The following SLC36A1 variants were observed in gnomAD, a reference collection of about 807,000 sequenced individuals.
The protein encoded by SLC36A1 is proton-coupled amino acid transporter 1.
Under a neutral mutation model 47.5 loss-of-function variants are expected in SLC36A1, and 30 were observed. The observed-to-expected ratio is 0.63, with a 90% CI of 0.47 to 0.86. The LOEUF (loss-of-function observed/expected upper bound fraction) is 0.86. SLC36A1 is among the 40% of genes least tolerant of loss of function. SLC36A1 has a pLI of 0.00. For synonymous variants in SLC36A1, 255 were observed against 249.7 expected, an observed-to-expected ratio of 1.02 and a Z score of -0.20; for missense variants, 517 against 606.0, an observed-to-expected ratio of 0.85 and a Z score of 1.54.
chr5:151,365,031 T>C, the SLC36A1 span, among the ~76,000 whole-genome samples: 1 of 152,146 alleles, frequency 6.6e-6, no homozygotes, highest in Admixed American at 6.5e-5. Flanking sequence ...GGATTGAATG[T>C]ACTTATTCGC....
At position 151,465,077 on chromosome 5, in the gene SLC36A1, G is replaced by T. The variant is rs781683462; in HGVS notation, c.327G>T (p.Leu109=). The change falls in exon 5 of 11, where the codon CTG becomes CTT. Residue 109 remains leucine (L), a synonymous_variant. Transcript: ENST00000243389. ...VKCAHHFCRR[L]NKSFVDYGDT... is the part of the protein sequence containing the mutation. ...CTCTTCCCTCCTACTCTTCCAGGCT[G>T]AATAAATCCTTTGTGGATTATGGTG... 1 of 1,613,152 alleles carries T rather than the reference G, an allele frequency of 6.2e-7. No homozygotes were observed. The highest frequency in any genetic ancestry group is 1.1e-5 in the South Asian group (1 of 91,058).
At chr5:151,375,171 C>T in the SLC36A1 span, among the ~76,000 whole-genome samples, 2 of 152,086 alleles carry the variant, frequency 1.3e-5, no homozygotes, top group Non-Finnish European at 2.9e-5. Flanking sequence ...GGGTTTTCTT[C>T]TAGCATTTTA....
Position 151,490,547 on chromosome 5 carries a change from G to A in SLC36A1, c.*2293G>A, listed in dbSNP as rs1760021116. 1 of 152,356 alleles carries A rather than the reference G, an allele frequency of 6.6e-6. No homozygotes were observed. Among genetic ancestry groups the A allele is most frequent in the East Asian group, 1.9e-4 (1 of 5,204 alleles). The allele number at this position is 152,356 out of a possible 1,614,324, so 9.4% of individuals were successfully genotyped here. ...GAGGACTGGATGGTAGAATACTGGG[G>A]TCCCCCAGCTCTTAGCAGGATGCAG... On this transcript the variant is annotated 3_prime_UTR_variant, in exon 11 of 11. Coordinates refer to ENST00000243389, the MANE Select transcript of SLC36A1 (RefSeq NM_078483.4).
chr5:151,537,746 T>A, the SLC36A1 span: 1 of 1,565,622 alleles, frequency 6.4e-7, no homozygotes, highest in Non-Finnish European at 8.7e-7. Context: ...GCACTTGGTA[T>A]TCAGTAAAGA....
chr5:151,544,681 C>A, the SLC36A1 span: 3 of 1,614,006 alleles, frequency 1.9e-6, no homozygotes, highest in South Asian at 3.3e-5. Context: ...GGATGGCGTT[C>A]CTCCATCCCG....
At chr5:151,365,706 C>T in the SLC36A1 span, among the ~76,000 whole-genome samples, 2 of 152,328 alleles carry the variant, frequency 1.3e-5, no homozygotes, top group East Asian at 3.9e-4. Context: ...AATCTGACTC[C>T]ACCCCTTACT....
chr5:151,462,435 G>A (rs970594606), intron 2 of SLC36A1, among the ~76,000 whole-genome samples: 2 of 151,544 alleles, frequency 1.3e-5, no homozygotes, highest in African/African-American at 2.4e-5. Context: ...CACAATCTTG[G>A]CTCACTGCAA....
intron 10 of SLC36A1, among the ~76,000 whole-genome samples, chr5:151,487,063 T>C (rs1034948947): frequency 5.0e-4 from 76 of 152,302 alleles, no homozygotes; most frequent in African/African-American, 1.8e-3. Context: ...TTCCCCAATG[T>C]CACTCAGCTA....
In SLC36A1 at chr5:151,479,798, AG is replaced by A. The variant is rs528252289; in HGVS notation, c.1159+311del. 2,487 of 529,306 alleles carry A rather than the reference AG, an allele frequency of 4.7e-3. 14 individuals carry two copies. The highest frequency in any genetic ancestry group is 0.011 in the Middle Eastern group (24 of 2,104). 32.8% of individuals were successfully genotyped at this position (529,306 alleles called of 1,614,324 possible). ...TACTATCCCATATTAAATAAGGTAA[AG>A]GTCTGAAAGCCATTTAACCCATATC... is the stretch of plus-strand genomic sequence containing the variant. On this transcript the variant is annotated intron_variant, in intron 10 of 10. Coordinates refer to ENST00000243389, the MANE Select transcript of SLC36A1 (RefSeq NM_078483.4).
the SLC36A1 span, among the ~76,000 whole-genome samples, chr5:151,413,167 A>T: frequency 6.6e-6 from 1 of 151,818 alleles, no homozygotes; most frequent in Non-Finnish European, 1.5e-5. Flanking sequence ...TCAATGAATT[A>T]ATTCATTCAT....
At chr5:151,410,386 CA>C in the SLC36A1 span, among the ~76,000 whole-genome samples, 1 of 142,600 alleles carries the variant, frequency 7.0e-6, no homozygotes, top group African/African-American at 2.5e-5. Context: ...TATAAACAAA[CA>C]AATATAAAAT....
chr5:151,507,403 T>C, the SLC36A1 span: 18 of 1,614,136 alleles, frequency 1.1e-5, no homozygotes, highest in Non-Finnish European at 1.5e-5. Context: ...ACACCAACAC[T>C]CCTGGCCAGG....
chr5:151,537,927 AC>A, the SLC36A1 span: 1 of 1,614,146 alleles, frequency 6.2e-7, no homozygotes, highest in Non-Finnish European at 8.5e-7. Context: ...ATCTTCATGA[AC>A]CTTGCCAGTA....
At chr5:151,365,044 A>G in the SLC36A1 span, among the ~76,000 whole-genome samples, 1 of 152,178 alleles carries the variant, frequency 6.6e-6, no homozygotes, top group Admixed American at 6.5e-5. Context: ...TTATTCGCCA[A>G]ACCCAGGTCA....
chr5:151,437,797 A>G (rs1450206217), intron 1 of SLC36A1, among the ~76,000 whole-genome samples: 1 of 152,184 alleles, frequency 6.6e-6, no homozygotes, highest in African/African-American at 2.4e-5. Context: ...AACAATGCAA[A>G]TGTATTCTCT....
chr5:151,368,656 C>T, the SLC36A1 span, among the ~76,000 whole-genome samples: 2 of 152,132 alleles, frequency 1.3e-5, no homozygotes, highest in Non-Finnish European at 2.9e-5. Context: ...TCCTCTGTTG[C>T]CAGCTTTTAC....
At chr5:151,389,611 A>C in the SLC36A1 span, among the ~76,000 whole-genome samples, 1 of 82,832 alleles carries the variant, frequency 1.2e-5, no homozygotes, top group Non-Finnish European at 2.0e-5. Flanking sequence ...TCCTGTGTCC[A>C]AGTGTTCTTA....
chr5:151,500,907 C>G, the SLC36A1 span, among the ~76,000 whole-genome samples: 18 of 152,304 alleles, frequency 1.2e-4, no homozygotes, highest in African/African-American at 3.1e-4. Flanking sequence ...AGAGAGCCCT[C>G]TGGTGGCTAA....
At chr5:151,393,046 T>C in the SLC36A1 span, among the ~76,000 whole-genome samples, 2 of 151,894 alleles carry the variant, frequency 1.3e-5, no homozygotes, top group African/African-American at 4.8e-5. Context: ...TAAGTCTCTT[T>C]GTAGGTCTCT....
Sources: gnomAD v4.1 joint callset for allele counts (sites outside exome capture counted in the v4.1 genomes callset) on GRCh38, gnomAD v4.1.1 for gene constraint, MANE v1.5 for transcripts, NCBI Gene and HGNC (gene_info 2026-07-23, HGNC 2026-07-21) for gene names.